The following PLA2G4A variants were observed in gnomAD, a reference collection of about 807,000 sequenced individuals.
The protein encoded by PLA2G4A is cytosolic phospholipase A2.
A neutral mutation model predicts 81.9 loss-of-function variants in PLA2G4A; 40 were observed. The ratio of observed to expected loss-of-function variants is 0.49; its 90% CI spans 0.38 to 0.64. PLA2G4A has a LOEUF of 0.64. Ranked by LOEUF, PLA2G4A falls within the 30% of genes least tolerant of loss-of-function variation. The pLI, the probability that PLA2G4A is intolerant of heterozygous loss-of-function variation, is 0.00. For missense variants in PLA2G4A, 715 were observed against 905.1 expected, an observed-to-expected ratio of 0.79 and a Z score of 2.69; for synonymous variants, 302 against 296.9, an observed-to-expected ratio of 1.02 and a Z score of -0.18.
rs117713735 is a variant in PLA2G4A at position 186,882,783 on chromosome 1, A to T, written c.116-10228A>T. Among the ~76,000 whole-genome samples the T allele has an allele frequency of 3.9e-5, 6 of 152,240 alleles. No individual in the cohort carries two copies. The East Asian group carries it at 1.2e-3, about 29-fold the overall frequency. ...ATAGTCTATGTGAGAGGTGGTGCTTAGTTGAATCGGGGCAATTATTTTGAA... is the reference window on the plus strand; with the variant it reads ...ATAGTCTATGTGAGAGGTGGTGCTTTGTTGAATCGGGGCAATTATTTTGAA... On this transcript the variant is annotated intron_variant, in intron 3 of 17. Coordinates refer to ENST00000367466, the MANE Select transcript of PLA2G4A (RefSeq NM_024420.3).
At chr1:186,921,163 C>A (rs1457557311) in intron 7 of PLA2G4A, among the ~76,000 whole-genome samples, 1 of 152,072 alleles carries the variant, frequency 6.6e-6, no homozygotes, top group Non-Finnish European at 1.5e-5. Flanking sequence ...CATGTCTGGT[C>A]TCTTGTTCAG....
At chr1:186,861,309 G>T (rs12720498) in intron 2 of PLA2G4A, among the ~76,000 whole-genome samples, 2 of 152,118 alleles carry the variant, frequency 1.3e-5, no homozygotes, top group African/African-American at 4.8e-5. Context: ...TTAGAACGCC[G>T]AGGAATCTCT....
chr1:186,868,412 G>C (rs1241975972), intron 2 of PLA2G4A, among the ~76,000 whole-genome samples: 1 of 152,108 alleles, frequency 6.6e-6, no homozygotes, highest in Non-Finnish European at 1.5e-5. Flanking sequence ...TGTTGGACTT[G>C]ATTTGCTAAT....
At position 186,877,705 on chromosome 1, in the gene PLA2G4A, C is replaced by CAAAAAA. The variant is rs58954006; in HGVS notation, c.115+7212_115+7217dup. Reference sequence around the variant, plus strand: ...AAGACTAAGGCCTGAGGCTTACTCACAAAAAAAAAAAAAAAAAAAAAAAAA... The same window carrying CAAAAAA: ...AAGACTAAGGCCTGAGGCTTACTCACAAAAAAAAAAAAAAAAAAAAAAAAAAAAAAA... On this transcript the variant is annotated intron_variant, in intron 3 of 17. Coordinates refer to ENST00000367466, the MANE Select transcript of PLA2G4A (RefSeq NM_024420.3). 3.5e-3 allele frequency among the ~76,000 whole-genome samples: 306 copies of CAAAAAA among 86,914 alleles called. 8 individuals carry two copies. The highest frequency in any genetic ancestry group is 9.0e-3 in the African/African-American group (201 of 22,382). The allele number at this position is 86,914 out of a possible 152,430, so 57.0% of individuals were successfully genotyped here. A position where few individuals can be genotyped will look rare whatever the true frequency, so the allele number is the denominator to read the frequency against.
Position 186,934,443 on chromosome 1 carries a change from C to CATATAT in PLA2G4A, c.695+1560_695+1565dup, listed in dbSNP as rs71571011. On this transcript the variant is annotated intron_variant, in intron 8 of 17. Transcript: ENST00000367466. ...TAATTAAAAGGATTTTAAATGTGCA[C>CATATAT]ATATATATATATATATATATACATA... 4.5e-3 allele frequency among the ~76,000 whole-genome samples: 451 copies of CATATAT among 99,532 alleles called. 26 individuals carry two copies. Among genetic ancestry groups the CATATAT allele is most frequent in the African/African-American group, 0.013 (287 of 22,242 alleles). 65.3% of individuals were successfully genotyped at this position (99,532 alleles called of 152,430 possible).
At chr1:186,898,571 A>G (rs530378798) in intron 5 of PLA2G4A, among the ~76,000 whole-genome samples, 97 of 152,372 alleles carry the variant, frequency 6.4e-4, no homozygotes, top group Admixed American at 6.5e-4. Context: ...AAAGGTATGC[A>G]ACAGAAAACA....
At chr1:186,857,549 A>C (rs1652634358) in intron 2 of PLA2G4A, among the ~76,000 whole-genome samples, 1 of 142,618 alleles carries the variant, frequency 7.0e-6, no homozygotes, top group Non-Finnish European at 1.5e-5. Context: ...ATATGAATAT[A>C]TAATATAAAT....
At chr1:186,976,173 T>C (rs750967761) in intron 15 of PLA2G4A, among the ~76,000 whole-genome samples, 2 of 152,200 alleles carry the variant, frequency 1.3e-5, no homozygotes, top group Non-Finnish European at 2.9e-5. Context: ...AAACCATGAA[T>C]GTTTTACTCA....
chr1:186,910,683 A>G (rs1654907499), intron 6 of PLA2G4A, among the ~76,000 whole-genome samples: 1 of 152,202 alleles, frequency 6.6e-6, no homozygotes, highest in Non-Finnish European at 1.5e-5. Flanking sequence ...TAAGGGTTCT[A>G]AAGTCCTCTA....
chr1:186,867,919 A>T (rs1653090989), intron 2 of PLA2G4A, among the ~76,000 whole-genome samples: 1 of 151,954 alleles, frequency 6.6e-6, no homozygotes, highest in South Asian at 2.1e-4. Flanking sequence ...TGGATGTTAA[A>T]TTTTGTCAAA....
chr1:186,948,552 A>G (rs1420049540), intron 12 of PLA2G4A, among the ~76,000 whole-genome samples: 1 of 151,992 alleles, frequency 6.6e-6, no homozygotes, highest in Non-Finnish European at 1.5e-5. Context: ...AGAAGATCAC[A>G]TATTGAGGCT....
chr1:186,932,640 T>C, intron 7 of PLA2G4A, 123 bp from the exon 8 acceptor site: 1 of 985,830 alleles, frequency 1.0e-6, no homozygotes. Flanking sequence ...TACTAAAGTA[T>C]GAAGTTAACT....
At chr1:186,832,749 T>C (rs1418440725) in intron 1 of PLA2G4A, among the ~76,000 whole-genome samples, 2 of 152,232 alleles carry the variant, frequency 1.3e-5, no homozygotes, top group Admixed American at 1.3e-4. Flanking sequence ...ATATGATAGA[T>C]ATTAACGGAT....
At chr1:186,988,003 T>C (rs1414479586) in intron 17 of PLA2G4A, among the ~76,000 whole-genome samples, 2 of 152,210 alleles carry the variant, frequency 1.3e-5, no homozygotes, top group African/African-American at 2.4e-5. Flanking sequence ...TGCCCACTAA[T>C]TATAAAGAAC....
chr1:186,958,462 A>T (rs972073980), intron 14 of PLA2G4A, among the ~76,000 whole-genome samples: 2 of 152,178 alleles, frequency 1.3e-5, no homozygotes, highest in Non-Finnish European at 2.9e-5. Flanking sequence ...TGATGAGCTT[A>T]AAAAAACTAC....
chr1:186,859,681 A>G, intron 2 of PLA2G4A, among the ~76,000 whole-genome samples: 1 of 152,176 alleles, frequency 6.6e-6, no homozygotes, highest in East Asian at 1.9e-4. Flanking sequence ...AAAAATATAG[A>G]AAGCTATTAT....
At position 186,965,695 on chromosome 1, in the gene PLA2G4A, A is replaced by G. The variant is rs1416604655; in HGVS notation, c.1764+102A>G. 3.6e-6 allele frequency: 3 copies of G among 842,058 alleles called. No individual in the cohort carries two copies. The African/African-American group carries it at 5.0e-5, about 14-fold the overall frequency. The allele number at this position is 842,058 out of a possible 1,614,324, so 52.2% of individuals were successfully genotyped here. A position where few individuals can be genotyped will look rare whatever the true frequency, so the allele number is the denominator to read the frequency against. On this transcript the variant is annotated intron_variant, in intron 15 of 17. Transcript: ENST00000367466. ...CTCCAGTTTCTTATTCCTTTAATGT[A>G]TTTTCTACATCTTTATGAGTAATAG...
intron 7 of PLA2G4A, among the ~76,000 whole-genome samples, chr1:186,927,691 C>T (rs768266419): frequency 1.4e-4 from 22 of 152,178 alleles, no homozygotes; most frequent in Non-Finnish European, 2.6e-4. Context: ...AAAATATGGA[C>T]CTTAAGTAAT....
At chr1:186,866,225 A>G (rs1239758440) in intron 2 of PLA2G4A, among the ~76,000 whole-genome samples, 1 of 152,026 alleles carries the variant, frequency 6.6e-6, no homozygotes, top group African/African-American at 2.4e-5. Flanking sequence ...CCCAGGAAAC[A>G]TGGTAAGCGG....
Sources: allele counts gnomAD v4.1 joint callset (sites outside exome capture counted in the v4.1 genomes callset), GRCh38; gene constraint gnomAD v4.1.1; transcripts MANE v1.5; gene names NCBI Gene and HGNC (gene_info 2026-07-23, HGNC 2026-07-21).